The following IFT88 variants were observed in gnomAD, a reference collection of about 807,000 sequenced individuals.
IFT88 encodes the protein intraflagellar transport protein 88 homolog.
In IFT88, 74 loss-of-function variants were observed where a neutral mutation model predicts 119.5. The ratio of observed to expected loss-of-function variants is 0.62; its 90% CI spans 0.51 to 0.75. The LOEUF is 0.75. Ranked by LOEUF, IFT88 falls within the 30% of genes least tolerant of loss-of-function variation. The probability of loss-of-function intolerance (pLI) is 0.00; values close to 1 mark genes in which losing one functional copy is unlikely to be tolerated. For synonymous variants in IFT88, 279 were observed against 316.7 expected (o/e 0.88, Z 1.26); for missense variants, 961 against 977.7 (o/e 0.98, Z 0.23).
At chr13:20,654,682 G>A (rs983066523) in intron 21 of IFT88, among the ~76,000 whole-genome samples, 10 of 152,148 alleles carry the variant, frequency 6.6e-5, no homozygotes, top group Admixed American at 6.5e-5. Flanking sequence ...CTTCAGAATG[G>A]CATCAGAAAT....
At chr13:20,578,075 C>G (rs1438882692) in intron 2 of IFT88, among the ~76,000 whole-genome samples, 2 of 107,746 alleles carry the variant, frequency 1.9e-5, no homozygotes, top group East Asian at 3.3e-4. Flanking sequence ...GATGGAGTCT[C>G]ACTCTGTAGC....
At chr13:20,676,908 G>A (rs1279459790) in intron 24 of IFT88, among the ~76,000 whole-genome samples, 1 of 152,064 alleles carries the variant, frequency 6.6e-6, no homozygotes, top group Non-Finnish European at 1.5e-5. Flanking sequence ...ATATACACAT[G>A]TATTTTATAT....
At chr13:20,630,082 C>T (rs1298267542) in intron 15 of IFT88, among the ~76,000 whole-genome samples, 2 of 152,152 alleles carry the variant, frequency 1.3e-5, no homozygotes, top group Non-Finnish European at 2.9e-5. Flanking sequence ...CTTTAGATCA[C>T]TTTTTGTAAC....
At chr13:20,679,962 A>G (rs1223741305) in intron 24 of IFT88, among the ~76,000 whole-genome samples, 2 of 152,178 alleles carry the variant, frequency 1.3e-5, no homozygotes, top group South Asian at 2.1e-4. Context: ...TTAGCTACAG[A>G]TTGAGAGGTG....
intron 23 of IFT88, among the ~76,000 whole-genome samples, chr13:20,669,140 C>T (rs892252552): frequency 1.3e-5 from 2 of 152,088 alleles, no homozygotes; most frequent in African/African-American, 4.8e-5. Context: ...TCCAATGTGG[C>T]GTCATGGCAC....
At chr13:20,650,809 T>C (rs2051524597) in intron 20 of IFT88, among the ~76,000 whole-genome samples, 1 of 152,214 alleles carries the variant, frequency 6.6e-6, no homozygotes, top group African/African-American at 2.4e-5. Flanking sequence ...TATTTCTATG[T>C]ATTTGCAATG....
intron 20 of IFT88, among the ~76,000 whole-genome samples, chr13:20,648,896 A>C (rs1594621226): frequency 1.3e-5 from 2 of 152,164 alleles, no homozygotes; most frequent in East Asian, 3.8e-4. Context: ...TGTCAGACAA[A>C]ACAGGCTTTA....
At chr13:20,676,844 A>G (rs1007181590) in intron 24 of IFT88, among the ~76,000 whole-genome samples, 1 of 152,212 alleles carries the variant, frequency 6.6e-6, no homozygotes, top group Non-Finnish European at 1.5e-5. Context: ...GCACATACAT[A>G]CATATATATG....
At chr13:20,685,863 A>C (rs1594937789) in intron 24 of IFT88, among the ~76,000 whole-genome samples, 1 of 152,246 alleles carries the variant, frequency 6.6e-6, no homozygotes, top group Non-Finnish European at 1.5e-5. Flanking sequence ...CTGGGAGACA[A>C]AACAAGACTC....
At chr13:20,624,222 C>CT (rs999048852) in intron 14 of IFT88, among the ~76,000 whole-genome samples, 39 of 151,326 alleles carry the variant, frequency 2.6e-4, no homozygotes, top group South Asian at 2.1e-3. Flanking sequence ...GTTCAGACCT[C>CT]TTTTTTTTTC....
chr13:20,681,038 C>G (rs1334364150), intron 24 of IFT88, among the ~76,000 whole-genome samples: 1 of 152,188 alleles, frequency 6.6e-6, no homozygotes, highest in African/African-American at 2.4e-5. Flanking sequence ...GTCCCTGTTT[C>G]CCCCTTCTGC....
chr13:20,605,270 A>G (rs1340570959), intron 13 of IFT88, among the ~76,000 whole-genome samples, 165 bp downstream of exon 13: 1 of 152,182 alleles, frequency 6.6e-6, no homozygotes, highest in Non-Finnish European at 1.5e-5. Context: ...TATATTCAAT[A>G]TATTTCTTGA....
At chr13:20,613,228 T>G (rs1310015182) in intron 13 of IFT88, among the ~76,000 whole-genome samples, 1 of 152,050 alleles carries the variant, frequency 6.6e-6, no homozygotes, top group African/African-American at 2.4e-5. Flanking sequence ...ATAAGTAATG[T>G]CCAACTCAAT....
At position 20,615,861 on chromosome 13, in the gene IFT88, T is replaced by C. The variant is rs2045523465; in HGVS notation, c.1181T>C (p.Phe394Ser). The C allele has an allele frequency of 6.2e-7, 1 of 1,605,748 alleles. No homozygotes were observed. Among genetic ancestry groups the C allele is most frequent in the East Asian group, 2.2e-5 (1 of 44,518 alleles). ...ATTGCTCCTGTAATTGAAACATCTTTTGCTGCAGGTTATGATTGGTAAGAG... is the reference window on the plus strand; with the variant it reads ...ATTGCTCCTGTAATTGAAACATCTTCTGCTGCAGGTTATGATTGGTAAGAG... ...KLIAPVIETSFAAGYDWCVEV... is the reference protein window; with the variant it reads ...KLIAPVIETSSAAGYDWCVEV... The change falls in exon 14 of 26, where the codon TTT becomes TCT. Residue 394 changes from phenylalanine (F) to serine (S), a missense_variant. Phe to Ser is a radical substitution (Grantham distance 155, BLOSUM62 -2). Transcript: ENST00000351808.
intron 18 of IFT88, chr13:20,641,736 G>T: frequency 5.7e-6 from 1 of 175,360 alleles, no homozygotes; most frequent in Non-Finnish European, 1.2e-5. Flanking sequence ...AGCTTGTAGG[G>T]TATCATTGAA....
At chr13:20,644,771 G>T in intron 19 of IFT88, 72 bp from the exon 20 acceptor site, 1 of 681,694 alleles carries the variant, frequency 1.5e-6, no homozygotes, top group Non-Finnish European at 2.6e-6. Flanking sequence ...TATTCAATAG[G>T]TAAAGTATTC....
At chr13:20,621,526 T>TAAAA (rs200491393) in intron 14 of IFT88, among the ~76,000 whole-genome samples, 103 of 130,712 alleles carry the variant, frequency 7.9e-4, no homozygotes, top group Non-Finnish European at 9.5e-4. Context: ...CCTGCTGAGA[T>TAAAA]AAAAAAAAAA....
At chr13:20,668,507 G>A (rs551452939) in intron 23 of IFT88, among the ~76,000 whole-genome samples, 1 of 152,146 alleles carries the variant, frequency 6.6e-6, no homozygotes, top group Non-Finnish European at 1.5e-5. Flanking sequence ...CCTTGCTACA[G>A]CTATTACAAT....
chr13:20,631,818 A>G (rs2048248795), intron 16 of IFT88: 1 of 152,162 alleles, frequency 6.6e-6, no homozygotes, highest in Non-Finnish European at 1.5e-5. Context: ...TCACCAGAAA[A>G]TACAGAATTT....
Sources: allele counts gnomAD v4.1 joint callset (sites outside exome capture counted in the v4.1 genomes callset), GRCh38; gene constraint gnomAD v4.1.1; transcripts MANE v1.5; gene names NCBI Gene and HGNC (gene_info 2026-07-23, HGNC 2026-07-21).